COMP: variants seen among roughly 807,000 people sequenced by gnomAD.
The protein encoded by COMP is cartilage oligomeric matrix protein (pseudoachondroplasia, epiphyseal dysplasia 1, multiple).
In COMP, 79 loss-of-function variants were observed where a neutral mutation model predicts 95.8. The observed-to-expected ratio is 0.82, with a 90% confidence interval of 0.69 to 0.99. The LOEUF is 0.99. Ranked by LOEUF, COMP falls within the 50% of genes least tolerant of loss-of-function variation. The probability of loss-of-function intolerance (pLI) is 0.00; values close to 1 mark genes in which losing one functional copy is unlikely to be tolerated. For missense variants in COMP, 906 were observed against 1,076.1 expected (o/e 0.84, Z 2.21); for synonymous variants, 438 against 433.9 (o/e 1.01, Z -0.12).
In COMP at chr19:18,788,579, C is replaced by A. The variant is rs868799255; in HGVS notation, c.762+13G>T. On this transcript the variant is annotated intron_variant, in intron 7 of 18. Transcript: ENST00000222271. This position sits in a 1 kb window ranked among gnomAD's most constrained non-coding sequence, Gnocchi z 4.7. ...ACCCAACCCCGCCTCAAGCCCAGCC[C>A]GCCCGCACTCACCACGCACGACCGC... The A allele has an allele frequency of 1.3e-6, 2 of 1,556,904 alleles. No individual in the cohort carries two copies. The highest frequency in any genetic ancestry group is 3.3e-4 in the Middle Eastern group (2 of 5,998).
chr19:18,787,712 G>A lies in COMP; in HGVS notation c.976-62C>T, dbSNP rs1301582565. The A allele has an allele frequency of 5.6e-6, 9 of 1,602,314 alleles. No individual in the cohort carries two copies. The Admixed American group carries it at 1.5e-4, about 27-fold the overall frequency. On this transcript the variant is annotated intron_variant, in intron 9 of 18. Coordinates refer to ENST00000222271, the MANE Select transcript of COMP (RefSeq NM_000095.3). ...GAGAAGGCAAAGGTCACACTCCTCA[G>A]ATTCCCAAATCTCCGAGGACGCGTC...
In COMP at chr19:18,783,451, C is replaced by T. The variant is rs2055140525; in HGVS notation, c.2088-258G>A. 2.0e-5 allele frequency among the ~76,000 whole-genome samples: 3 copies of T among 152,202 alleles called. No homozygotes were observed. In the South Asian group the frequency reaches 6.2e-4, roughly 31 times the overall value. ...ACAGGGACTGGGTGAGGCCCCATTT[C>T]TAGCTGGATACACACTGTGTGCTGT... On this transcript the variant is annotated intron_variant, in intron 17 of 18. Coordinates refer to ENST00000222271, the MANE Select transcript of COMP (RefSeq NM_000095.3).
In COMP at chr19:18,784,294, ACT is replaced by A. The variant is rs767395029; in HGVS notation, c.1982_1983del (p.Glu661ValfsTer40). On this transcript the variant is annotated frameshift_variant, in exon 17 of 19. Transcript: ENST00000222271. LOFTEE classifies it high-confidence loss of function. This position sits in a 1 kb window ranked among gnomAD's most constrained non-coding sequence, Gnocchi z 4.9. ...TCCTTCCACAGCAGCCGCACCTGGGACTCTGTGTCTCCTGTATGCCACAGAGC... is the reference window on the plus strand; with the variant it reads ...TCCTTCCACAGCAGCCGCACCTGGGACTGTGTCTCCTGTATGCCACAGAGC... ...RNALWHTGDT[E>X]SQVRLLWKDP... The A allele has an allele frequency of 1.9e-5, 30 of 1,613,758 alleles. No individual in the cohort carries two copies. The highest frequency in any genetic ancestry group is 2.7e-5 in the African/African-American group (2 of 74,846).
rs759546014 is a variant in COMP, at chr19:18,784,411, G to GC, written c.1915-49dup. The GC allele has an allele frequency of 5.6e-6, 9 of 1,607,908 alleles. No individual in the cohort carries two copies. Among genetic ancestry groups the GC allele is most frequent in the Non-Finnish European group, 7.7e-6 (9 of 1,175,854 alleles). On this transcript the variant is annotated intron_variant, in intron 16 of 18. Coordinates refer to ENST00000222271, the MANE Select transcript of COMP (RefSeq NM_000095.3). The surrounding 1 kb of genome is among the most constrained non-coding windows in gnomAD (Gnocchi z 4.9). Reference sequence around the variant, plus strand: ...GTCAGAGACCTCGTGGGCCACCGGAGCCCCCCTAGACACCTTCCTGGAGAG... The same window carrying GC: ...GTCAGAGACCTCGTGGGCCACCGGAGCCCCCCCTAGACACCTTCCTGGAGAG...
At chr19:18,786,421 G>C in intron 11 of COMP, 111 bp downstream of exon 11, 1 of 1,534,028 alleles carries the variant, frequency 6.5e-7, no homozygotes, top group Non-Finnish European at 9.0e-7. Context: ...CTCGGACCGA[G>C]AGGTCATTTC....
chr19:18,790,782 C>T (rs1001137977), intron 2 of COMP, 68 bp downstream of exon 2: 24 of 1,578,004 alleles, frequency 1.5e-5, no homozygotes, highest in South Asian at 1.2e-4. Flanking sequence ...TACTTCCTCT[C>T]TCCTCGCTGG....
In COMP at chr19:18,789,923, A is replaced by G; in HGVS notation, c.390+19T>C. 6.3e-7 allele frequency: 1 copy of G among 1,592,966 alleles called. No homozygotes were observed. Reference sequence around the variant, plus strand: ...GTAGAGGGAGTCGTCAGGGCGGTGGAGTGTCGGGGCTAGCGCACCTCGTTG... The same window carrying G: ...GTAGAGGGAGTCGTCAGGGCGGTGGGGTGTCGGGGCTAGCGCACCTCGTTG... On this transcript the variant is annotated intron_variant, in intron 4 of 18. Transcript: ENST00000222271. The surrounding 1 kb of genome is among the most constrained non-coding windows in gnomAD (Gnocchi z 6.1).
chr19:18,783,263 A>G, intron 17 of COMP, 70 bp from the exon 18 acceptor site: 1 of 1,576,194 alleles, frequency 6.3e-7, no homozygotes. Context: ...TTCAGTGGCC[A>G]GCCCTGGAAG....
chr19:18,786,168 C>T, intron 12 of COMP, 22 bp from the exon 13 acceptor site: 1 of 1,614,116 alleles, frequency 6.2e-7, no homozygotes, highest in Non-Finnish European at 8.5e-7. Context: ...AGGTGGGATC[C>T]AGAGACAATG....
rs2055201345 is a variant in COMP at position 18,790,105 on chromosome 19, T to C, written c.227A>G (p.Gln76Arg). The C allele has an allele frequency of 1.3e-6, 2 of 1,533,292 alleles. No individual in the cohort carries two copies. Among genetic ancestry groups the C allele is most frequent in the Non-Finnish European group, 1.8e-6 (2 of 1,142,762 alleles). The allele number at this position is 1,533,292 out of a possible 1,614,324, so 95.0% of individuals were successfully genotyped here. The change falls in exon 4 of 19, where the codon CAG (glutamine) becomes CGG (arginine). Residue 76 changes from glutamine to arginine, a missense_variant. Coordinates refer to ENST00000222271, the MANE Select transcript of COMP (RefSeq NM_000095.3). ...VMECDACGMQ[Q>R]SVRTGLPSVR... ...GCTGGGTAGGCCGGTGCGTACTGAC[T>C]GCTGCATCCCTGCGGGGGGGAGGGG...
In COMP at chr19:18,790,132, G is replaced by T; in HGVS notation, c.218-18C>A. On this transcript the variant is annotated intron_variant, in intron 3 of 18. Coordinates refer to ENST00000222271, the MANE Select transcript of COMP (RefSeq NM_000095.3). ...CTGCATCCCTGCGGGGGGGAGGGGG[G>T]AGAAGCGGCGGGGCTGATCGGTGGC... 1 of 1,516,570 alleles carries T rather than the reference G, an allele frequency of 6.6e-7. No homozygotes were observed. 93.9% of individuals were successfully genotyped at this position (1,516,570 alleles called of 1,614,324 possible).
intron 1 of COMP, 28 bp from the exon 2 acceptor site, chr19:18,790,963 G>T: frequency 6.5e-7 from 1 of 1,548,756 alleles, no homozygotes; most frequent in Non-Finnish European, 8.7e-7. Flanking sequence ...CTGGTGAGGC[G>T]TCATGGGGCC....
chr19:18,783,731 T>A (rs879571887), intron 17 of COMP, among the ~76,000 whole-genome samples: 2 of 151,872 alleles, frequency 1.3e-5, no homozygotes, highest in Non-Finnish European at 2.9e-5. Flanking sequence ...TGCCTCAGCC[T>A]CCTGAGTAGC....
Position 18,788,302 on chromosome 19 carries a change from C to G in COMP, c.885G>C (p.Val295=), listed in dbSNP as rs1197315104. ...CCACATCCTCCTGCCCTGAGTTGGG[C>G]ACAGTCACGCAGTTGTCCTGGGGGC... ...RQCRKDNCVT[V]PNSGQEDVDR... is the part of the protein sequence containing the mutation. The change falls in exon 9 of 19, where the codon GTG becomes GTC. Residue 295 remains valine (V), a synonymous_variant. Transcript: ENST00000222271. The surrounding 1 kb of genome is among the most constrained non-coding windows in gnomAD (Gnocchi z 4.7). The G allele has an allele frequency of 6.2e-7, 1 of 1,612,152 alleles. No homozygotes were observed. The highest frequency in any genetic ancestry group is 8.5e-7 in the Non-Finnish European group (1 of 1,179,950).
In COMP at chr19:18,789,941, C is replaced by A; in HGVS notation, c.390+1G>T. On this transcript the variant is annotated splice_donor_variant, in intron 4 of 18. Transcript: ENST00000222271. LOFTEE classifies it high-confidence loss of function. The surrounding 1 kb of genome is among the most constrained non-coding windows in gnomAD (Gnocchi z 6.1). ...GCGGTGGAGTGTCGGGGCTAGCGCA[C>A]CTCGTTGACGTCGGTGCAGTGCGAG... 1 of 1,592,478 alleles carries A rather than the reference C, an allele frequency of 6.3e-7. No homozygotes were observed. The highest frequency in any genetic ancestry group is 1.3e-5 in the African/African-American group (1 of 74,882).
rs990532312 is a variant in COMP, at chr19:18,788,138, G to C, written c.975+74C>G. On this transcript the variant is annotated intron_variant, in intron 9 of 18. Transcript: ENST00000222271. This position sits in a 1 kb window ranked among gnomAD's most constrained non-coding sequence, Gnocchi z 4.7. ...AGGATGGTCTCCATCTCTTGACCTC[G>C]TGATCCGCCCGCCTCGGCCTCCCAA... 1.2e-5 allele frequency: 15 copies of C among 1,261,410 alleles called. No individual in the cohort carries two copies. The African/African-American group carries it at 1.6e-4, about 14-fold the overall frequency. The allele number at this position is 1,261,410 out of a possible 1,614,324, so 78.1% of individuals were successfully genotyped here. A position where few individuals can be genotyped will look rare whatever the true frequency, so the allele number is the denominator to read the frequency against.
At position 18,784,045 on chromosome 19, in the gene COMP, C is replaced by T. The variant is rs1255538084; in HGVS notation, c.2087+146G>A. 5 of 892,740 alleles carry T rather than the reference C, an allele frequency of 5.6e-6. No homozygotes were observed. Among genetic ancestry groups the T allele is most frequent in the Non-Finnish European group, 7.1e-6 (4 of 562,926 alleles). 55.3% of individuals were successfully genotyped at this position (892,740 alleles called of 1,614,324 possible). A position where few individuals can be genotyped will look rare whatever the true frequency, so the allele number is the denominator to read the frequency against. On this transcript the variant is annotated intron_variant, in intron 17 of 18. Coordinates refer to ENST00000222271, the MANE Select transcript of COMP (RefSeq NM_000095.3). The surrounding 1 kb of genome is among the most constrained non-coding windows in gnomAD (Gnocchi z 4.9). ...CAGGTGTGAGCCACCACGCCTGGAC[C>T]AGCATAGGCTCATTCTAACTGCCCT...
rs200547692 is a variant in COMP at position 18,788,236 on chromosome 19, G to A, written c.951C>T (p.Asp317=). Residue 317 remains aspartate (D), a synonymous_variant, in exon 9 of 19, where the codon GAC becomes GAT. Coordinates refer to ENST00000222271, the MANE Select transcript of COMP (RefSeq NM_000095.3). This position sits in a 1 kb window ranked among gnomAD's most constrained non-coding sequence, Gnocchi z 4.7. The part of the protein sequence containing the change: ...GIGDACDPDA[D]GDGVPNEKDN... The stretch of plus-strand genomic sequence containing the variant: ...CCTTTTCATTGGGGACCCCGTCCCC[G>A]TCGGCATCCGGATCGCAGGCGTCTC... The A allele has an allele frequency of 4.3e-6, 7 of 1,613,168 alleles. No homozygotes were observed. The highest frequency in any genetic ancestry group is 4.2e-6 in the Non-Finnish European group (5 of 1,179,970).
chr19:18,784,806 C>T lies in COMP; in HGVS notation c.1914+90G>A. ...AGGTCCATAGTATGAGGCTAGGGGG[C>T]TGGGGGGCTCTAAGGGCTGTAAAGG... On this transcript the variant is annotated intron_variant, in intron 16 of 18. Transcript: ENST00000222271. The surrounding 1 kb of genome is among the most constrained non-coding windows in gnomAD (Gnocchi z 4.9). 1 of 1,440,610 alleles carries T rather than the reference C, an allele frequency of 6.9e-7. No individual in the cohort carries two copies. The highest frequency in any genetic ancestry group is 9.6e-7 in the Non-Finnish European group (1 of 1,036,636). The allele number at this position is 1,440,610 out of a possible 1,614,324, so 89.2% of individuals were successfully genotyped here. A position where few individuals can be genotyped will look rare whatever the true frequency, so the allele number is the denominator to read the frequency against.
Sources: gnomAD v4.1 joint callset for allele counts (sites outside exome capture counted in the v4.1 genomes callset) on GRCh38, gnomAD v4.1.1 for gene constraint, Gnocchi (gnomAD v3.1) non-coding constraint, MANE v1.5 for transcripts, NCBI Gene and HGNC (gene_info 2026-07-23, HGNC 2026-07-21) for gene names.